DIRAS3: variants seen among roughly 807,000 people sequenced by gnomAD.
DIRAS3 encodes GTP-binding protein Di-Ras3.
For synonymous variants in DIRAS3, 133 were observed against 131.4 expected (o/e 1.01, Z -0.08); for missense variants, 248 against 300.6 (o/e 0.83, Z 1.29).
In DIRAS3 at chr1:68,046,907, A is replaced by G. The variant is rs754473486; in HGVS notation, c.391T>C (p.Tyr131His). ...CCTTTGATCTTGCAGATCAGCTCAT[A>G]GAAGGCCTTCAGCTCTTCCAGGGTT... ...KETLEELKAF[Y>H]ELICKIKGNN... Residue 131 changes from tyrosine (Y) to histidine (H), a missense_variant, in exon 2 of 2, where the codon TAT becomes CAT. Transcript: ENST00000646789. 6 of 1,614,076 alleles carry G rather than the reference A, an allele frequency of 3.7e-6. No homozygotes were observed. In the South Asian group the frequency reaches 6.6e-5, roughly 18 times the overall value.
At position 68,047,011 on chromosome 1, in the gene DIRAS3, T is replaced by G; in HGVS notation, c.287A>C (p.Asp96Ala). Residue 96 changes from aspartate to alanine, a missense_variant, in exon 2 of 2, where the codon GAC becomes GCC. Transcript: ENST00000646789. ...GTGGCGCTGCAGAGCGCGGTTGCCG[T>G]CGCCACTCTTGCTGTCGGTGATGTG... ...SLHITDSKSGDGNRALQRHVI... is the reference protein window; with the variant it reads ...SLHITDSKSGAGNRALQRHVI... The G allele has an allele frequency of 6.2e-7, 1 of 1,614,120 alleles. No homozygotes were observed. The highest frequency in any genetic ancestry group is 8.5e-7 in the Non-Finnish European group (1 of 1,180,026).
At position 68,046,443 on chromosome 1, in the gene DIRAS3, G is replaced by T; in HGVS notation, c.*165C>A. ...TTTAACAATTTGAATTCTCTGGCCT[G>T]GGAAAAAGAAAAGTTATCCACTTAC... is the stretch of plus-strand genomic sequence containing the variant. On this transcript the variant is annotated 3_prime_UTR_variant, in exon 2 of 2. Coordinates refer to ENST00000646789, the MANE Select transcript of DIRAS3 (RefSeq NM_004675.5). 1 of 628,642 alleles carries T rather than the reference G, an allele frequency of 1.6e-6. No individual in the cohort carries two copies. 38.9% of individuals were successfully genotyped at this position (628,642 alleles called of 1,614,324 possible). A position where few individuals can be genotyped will look rare whatever the true frequency, so the allele number is the denominator to read the frequency against.
Position 68,047,180 on chromosome 1 carries a change from CG to C in DIRAS3, c.117del (p.Val40SerfsTer3). The C allele has an allele frequency of 6.2e-7, 1 of 1,614,168 alleles. No homozygotes were observed. Among genetic ancestry groups the C allele is most frequent in the Non-Finnish European group, 8.5e-7 (1 of 1,180,034 alleles). ...FKPHRKIRDY[R>X]VVVVGTAGVG... ...ACACCAGCGGTGCCGACTACCACGACGCGGTAATCTCTGATCTTCCTGTGGG... is the reference window on the plus strand; with the variant it reads ...ACACCAGCGGTGCCGACTACCACGACCGGTAATCTCTGATCTTCCTGTGGG... On this transcript the variant is annotated frameshift_variant, in exon 2 of 2. Coordinates refer to ENST00000646789, the MANE Select transcript of DIRAS3 (RefSeq NM_004675.5). LOFTEE classifies it low-confidence loss of function (END_TRUNC).
chr1:68,048,052 ATATATATAT>A (rs1198338200), intron 1 of DIRAS3, among the ~76,000 whole-genome samples: 7 of 74,852 alleles, frequency 9.4e-5, no homozygotes, highest in African/African-American at 1.8e-4. Flanking sequence ...AAAAAAAAAT[ATATATATAT>A]ATATATATAT....
Position 68,050,386 on chromosome 1 carries a change from C to G in DIRAS3, c.-66+162G>C, listed in dbSNP as rs975977477. ...TGCAGTTGCAGGACCTGCCAGGAGC[C>G]CGCAGGGCTGCGGGTGGTTCTTGCG... On this transcript the variant is annotated intron_variant, in intron 1 of 1. Coordinates refer to ENST00000646789, the MANE Select transcript of DIRAS3 (RefSeq NM_004675.5). This position sits in a 1 kb window ranked among gnomAD's most constrained non-coding sequence, Gnocchi z 4.5. Among the ~76,000 whole-genome samples, 1 of 152,182 alleles carries G rather than the reference C, an allele frequency of 6.6e-6. No homozygotes were observed. The highest frequency in any genetic ancestry group is 2.1e-4 in the South Asian group (1 of 4,832).
At position 68,046,823 on chromosome 1, in the gene DIRAS3, G is replaced by A. The variant is rs542823739; in HGVS notation, c.475C>T (p.Arg159Trp). The A allele has an allele frequency of 3.7e-6, 6 of 1,614,012 alleles. No individual in the cohort carries two copies. Among genetic ancestry groups the A allele is most frequent in the Admixed American group, 1.7e-5 (1 of 60,016 alleles). ...LVGNKSDDTH[R>W]EVALNDGATC... ...GCACCATCATTCAGGGCCACCTCCC[G>A]GTGGGTGTCATCACTTTTATTGCCC... The change falls in exon 2 of 2, where the codon CGG becomes TGG. Residue 159 changes from arginine to tryptophan, a missense_variant. Coordinates refer to ENST00000646789, the MANE Select transcript of DIRAS3 (RefSeq NM_004675.5).
chr1:68,046,817 C>A lies in DIRAS3; in HGVS notation c.481G>T (p.Val161Leu). Residue 161 changes from valine to leucine, a missense_variant, in exon 2 of 2, where the codon GTG becomes TTG. By Grantham distance (32) the Val-to-Leu change is conservative (BLOSUM62 1). Coordinates refer to ENST00000646789, the MANE Select transcript of DIRAS3 (RefSeq NM_004675.5). ...CAGGTGGCACCATCATTCAGGGCCACCTCCCGGTGGGTGTCATCACTTTTA... is the reference window on the plus strand; with the variant it reads ...CAGGTGGCACCATCATTCAGGGCCAACTCCCGGTGGGTGTCATCACTTTTA... Reference protein sequence around the residue: ...GNKSDDTHREVALNDGATCAM... With the variant: ...GNKSDDTHRELALNDGATCAM... The A allele has an allele frequency of 6.2e-7, 1 of 1,614,194 alleles. No homozygotes were observed. Among genetic ancestry groups the A allele is most frequent in the South Asian group, 1.1e-5 (1 of 91,078 alleles).
Position 68,047,315 on chromosome 1 carries a change from G to T in DIRAS3, c.-18C>A. 6.2e-7 allele frequency: 1 copy of T among 1,607,256 alleles called. No individual in the cohort carries two copies. Among genetic ancestry groups the T allele is most frequent in the Non-Finnish European group, 8.5e-7 (1 of 1,176,402 alleles). The stretch of plus-strand genomic sequence containing the variant: ...TTACCCATCGTTGGGATTCGGAGGG[G>T]AGATACGTGCACAAGTTCTCCCACA... On this transcript the variant is annotated 5_prime_UTR_variant, in exon 2 of 2. Coordinates refer to ENST00000646789, the MANE Select transcript of DIRAS3 (RefSeq NM_004675.5).
At position 68,046,819 on chromosome 1, in the gene DIRAS3, TC is replaced by T. The variant is rs1266497576; in HGVS notation, c.478del (p.Glu160ArgfsTer4). 6.2e-7 allele frequency: 1 copy of T among 1,614,022 alleles called. No homozygotes were observed. The highest frequency in any genetic ancestry group is 8.5e-7 in the Non-Finnish European group (1 of 1,180,028). Reference sequence around the variant, plus strand: ...GGTGGCACCATCATTCAGGGCCACCTCCCGGTGGGTGTCATCACTTTTATTG... The same window carrying T: ...GGTGGCACCATCATTCAGGGCCACCTCCGGTGGGTGTCATCACTTTTATTG... ...VGNKSDDTHR[E>X]VALNDGATCA... On this transcript the variant is annotated frameshift_variant, in exon 2 of 2. Transcript: ENST00000646789. LOFTEE classifies it low-confidence loss of function (END_TRUNC).
Position 68,047,099 on chromosome 1 carries a change from G to A in DIRAS3, c.199C>T (p.Leu67=). ...CAGTAGGTATTTTCAATGGTCGGCA[G>A]GTACTCATGACGGAAGTTGCCGCTC... ...WASGNFRHEY[L]PTIENTYCQL... Residue 67 remains leucine, a synonymous_variant, in exon 2 of 2, where the codon CTG becomes TTG. Coordinates refer to ENST00000646789, the MANE Select transcript of DIRAS3 (RefSeq NM_004675.5). 6.2e-7 allele frequency: 1 copy of A among 1,614,100 alleles called. No individual in the cohort carries two copies. Among genetic ancestry groups the A allele is most frequent in the East Asian group, 2.2e-5 (1 of 44,896 alleles).
chr1:68,050,173 C>T lies in DIRAS3; in HGVS notation c.-66+375G>A, dbSNP rs1047173558. 2.6e-5 allele frequency among the ~76,000 whole-genome samples: 4 copies of T among 152,204 alleles called. No homozygotes were observed. The highest frequency in any genetic ancestry group is 5.9e-5 in the Non-Finnish European group (4 of 68,024). On this transcript the variant is annotated intron_variant, in intron 1 of 1. Transcript: ENST00000646789. This position sits in a 1 kb window ranked among gnomAD's most constrained non-coding sequence, Gnocchi z 4.5. The stretch of plus-strand genomic sequence containing the variant: ...TCAGGTTTCTCTCTGGTGGCTGTGG[C>T]GGCTGCTACCCTCCTCGCCCATTTC...
At position 68,046,686 on chromosome 1, in the gene DIRAS3, G is replaced by A. The variant is rs748911555; in HGVS notation, c.612C>T (p.Thr204=). 2.0e-5 allele frequency: 33 copies of A among 1,614,052 alleles called. No individual in the cohort carries two copies. The highest frequency in any genetic ancestry group is 1.6e-4 in the Middle Eastern group (1 of 6,080). The change falls in exon 2 of 2, where the codon ACC becomes ACT. Residue 204 remains threonine, a synonymous_variant. Transcript: ENST00000646789. ...MLLNYKKKPT[T]GLQEPEKKSQ... ...ATTTCTTCTCGGGCTCCTGGAGGCC[G>A]GTGGTGGGCTTTTTCTTGTAATTCA...
Position 68,049,961 on chromosome 1 carries a change from C to CA in DIRAS3, c.-66+586_-66+587insT, listed in dbSNP as rs368356069. On this transcript the variant is annotated intron_variant, in intron 1 of 1. Transcript: ENST00000646789. ...AGAATTCTCATTCTCAGGCAGTGGA[C>CA]CCCCCCCCCCACTCCCCTCCACACT... Among the ~76,000 whole-genome samples the CA allele has an allele frequency of 4.0e-4, 44 of 108,650 alleles. 1 individual carries two copies. Among genetic ancestry groups the CA allele is most frequent in the African/African-American group, 2.4e-3 (39 of 16,170 alleles). The allele number at this position is 108,650 out of a possible 152,430, so 71.3% of individuals were successfully genotyped here. A position where few individuals can be genotyped will look rare whatever the true frequency, so the allele number is the denominator to read the frequency against.
At chr1:68,048,560 C>G (rs1645701488) in intron 1 of DIRAS3, among the ~76,000 whole-genome samples, 2 of 152,140 alleles carry the variant, frequency 1.3e-5, no homozygotes, top group East Asian at 3.9e-4. Flanking sequence ...TGTACAATAC[C>G]AGAAAGAGAA....
In DIRAS3 at chr1:68,047,190, T is replaced by C; in HGVS notation, c.108A>G (p.Arg36=). Residue 36 remains arginine, a synonymous_variant, in exon 2 of 2, where the codon AGA becomes AGG. Transcript: ENST00000646789. The part of the protein sequence containing the change: ...LRAFKPHRKI[R]DYRVVVVGTA... The stretch of plus-strand genomic sequence containing the variant: ...TGCCGACTACCACGACGCGGTAATC[T>C]CTGATCTTCCTGTGGGGCTTGAAGG... The C allele has an allele frequency of 1.2e-6, 2 of 1,614,140 alleles. No homozygotes were observed. Among genetic ancestry groups the C allele is most frequent in the Non-Finnish European group, 1.7e-6 (2 of 1,180,032 alleles).
rs1645724043 is a variant in DIRAS3 at position 68,050,599 on chromosome 1, A to C, written c.-117T>G. 1 of 152,220 alleles carries C rather than the reference A, an allele frequency of 6.6e-6. No homozygotes were observed. Among genetic ancestry groups the C allele is most frequent in the African/African-American group, 2.4e-5 (1 of 41,448 alleles). 9.4% of individuals were successfully genotyped at this position (152,220 alleles called of 1,614,324 possible). On this transcript the variant is annotated 5_prime_UTR_variant, in exon 1 of 2. Transcript: ENST00000646789. This position sits in a 1 kb window ranked among gnomAD's most constrained non-coding sequence, Gnocchi z 4.5. The stretch of plus-strand genomic sequence containing the variant: ...CCTAGAAGACAAATGCGCTGCTCGG[A>C]GAGACTGCCGCGGCAACCAACTGGA...
intron 1 of DIRAS3, among the ~76,000 whole-genome samples, chr1:68,047,782 G>A (rs1645688062): frequency 6.6e-6 from 1 of 151,500 alleles, no homozygotes; most frequent in Non-Finnish European, 1.5e-5. Flanking sequence ...ATGCCAAGGT[G>A]ACATTTAGAG....
chr1:68,048,068 A>T (rs1447048508), intron 1 of DIRAS3, among the ~76,000 whole-genome samples: 1 of 115,748 alleles, frequency 8.6e-6, no homozygotes, highest in Non-Finnish European at 1.8e-5. Context: ...ATATATATAT[A>T]TATATATATA....
rs964544940 is a variant in DIRAS3, at chr1:68,046,881, A to G, written c.417T>C (p.Gly139=). Residue 139 remains glycine, a synonymous_variant, in exon 2 of 2, where the codon GGT becomes GGC. Coordinates refer to ENST00000646789, the MANE Select transcript of DIRAS3 (RefSeq NM_004675.5). ...AFYELICKIK[G]NNLHKFPIVL... is the part of the protein sequence containing the mutation. ...CGATGGGGAACTTATGCAGGTTGTT[A>G]CCTTTGATCTTGCAGATCAGCTCAT... 3.1e-6 allele frequency: 5 copies of G among 1,613,988 alleles called. No individual in the cohort carries two copies. In the African/African-American group the frequency reaches 5.3e-5, roughly 17 times the overall value.
Sources: gnomAD v4.1 joint callset for allele counts (sites outside exome capture counted in the v4.1 genomes callset) on GRCh38, gnomAD v4.1.1 for gene constraint, Gnocchi (gnomAD v3.1) non-coding constraint, MANE v1.5 for transcripts, NCBI Gene and HGNC (gene_info 2026-07-23, HGNC 2026-07-21) for gene names.